The following ANKS1B variants were observed in gnomAD, a reference collection of about 807,000 sequenced individuals.
The protein encoded by ANKS1B is ankyrin repeat and sterile alpha motif domain-containing protein 1B.
In ANKS1B, 36 loss-of-function variants were observed where a neutral mutation model predicts 148.3. The ratio of observed to expected loss-of-function variants is 0.24; its 90% CI spans 0.19 to 0.32. ANKS1B has a LOEUF of 0.32. ANKS1B is among the 10% of genes least tolerant of loss of function. ANKS1B has a pLI of 1.00. For missense variants in ANKS1B, 1,157 were observed against 1,542.6 expected, an observed-to-expected ratio of 0.75 and a Z score of 4.19; for synonymous variants, 542 against 560.8, an observed-to-expected ratio of 0.97 and a Z score of 0.47.
intron 17 of ANKS1B, among the ~76,000 whole-genome samples, chr12:98,984,343 T>C (rs2099922044): frequency 6.6e-6 from 1 of 152,216 alleles, no homozygotes; most frequent in African/African-American, 2.4e-5. Flanking sequence ...TTAGCAGCCA[T>C]TTATGACTTT....
chr12:99,283,486 G>C (rs997652917), intron 12 of ANKS1B, among the ~76,000 whole-genome samples: 1 of 152,204 alleles, frequency 6.6e-6, no homozygotes, highest in East Asian at 1.9e-4. Context: ...GTTTAAAGGA[G>C]AGTGGTCACT....
intron 1 of ANKS1B, among the ~76,000 whole-genome samples, chr12:99,931,403 A>C (rs564662124): frequency 1.3e-5 from 2 of 152,292 alleles, no homozygotes; most frequent in South Asian, 4.1e-4. Flanking sequence ...AAGGGTACAC[A>C]TGCTGATAGT....
chr12:98,831,812 G>A (rs1412409318), intron 18 of ANKS1B: 6 of 556,928 alleles, frequency 1.1e-5, no homozygotes, highest in Middle Eastern at 4.9e-4. Flanking sequence ...GCAGTGGTGC[G>A]ATCTCTGCTC....
intron 17 of ANKS1B, among the ~76,000 whole-genome samples, chr12:98,904,947 G>A (rs1234899064): frequency 6.6e-6 from 1 of 152,068 alleles, no homozygotes; most frequent in Non-Finnish European, 1.5e-5. Context: ...ATTAAGTCCA[G>A]GATGTATGTA....
chr12:99,079,123 T>A (rs2048819953), intron 16 of ANKS1B, among the ~76,000 whole-genome samples: 1 of 152,060 alleles, frequency 6.6e-6, no homozygotes. Context: ...TTGACTTGAG[T>A]CTTGAGACAG....
intron 1 of ANKS1B, among the ~76,000 whole-genome samples, chr12:99,875,267 T>G (rs2091943832): frequency 6.6e-6 from 1 of 152,184 alleles, no homozygotes; most frequent in African/African-American, 2.4e-5. Context: ...AAATGTTGGA[T>G]TTGGCAAAAT....
chr12:98,781,447 T>C (rs1408194879), intron 23 of ANKS1B: 1 of 594,242 alleles, frequency 1.7e-6, no homozygotes, highest in African/African-American at 1.8e-5. Context: ...CTTGAGGATC[T>C]AAAAAGAGTT....
chr12:99,440,938 C>A (rs751650837), intron 11 of ANKS1B, among the ~76,000 whole-genome samples: 15 of 151,950 alleles, frequency 9.9e-5, no homozygotes, highest in Non-Finnish European at 1.5e-4. Flanking sequence ...CAATATCAGT[C>A]TTCCCACAAT....
intron 14 of ANKS1B, among the ~76,000 whole-genome samples, chr12:99,175,167 A>G (rs557093605): frequency 1.3e-5 from 2 of 152,184 alleles, no homozygotes; most frequent in Non-Finnish European, 2.9e-5. Context: ...GTTGCTTTCT[A>G]CTGTGTCCAC....
intron 17 of ANKS1B, among the ~76,000 whole-genome samples, chr12:98,987,901 T>C (rs930089692): frequency 1.3e-5 from 2 of 152,296 alleles, no homozygotes; most frequent in African/African-American, 4.8e-5. Flanking sequence ...AGTCTTTGGA[T>C]TGAGCTATGC....
At chr12:99,909,898 G>A (rs1171962982) in intron 1 of ANKS1B, among the ~76,000 whole-genome samples, 2 of 151,798 alleles carry the variant, frequency 1.3e-5, no homozygotes, top group East Asian at 1.9e-4. Flanking sequence ...TATTTCTCCT[G>A]GAAGATGATT....
At chr12:99,474,963 G>C (rs182006175) in intron 10 of ANKS1B, among the ~76,000 whole-genome samples, 1 of 152,056 alleles carries the variant, frequency 6.6e-6, no homozygotes, top group African/African-American at 2.4e-5. Context: ...CCGGCTGGGT[G>C]GGGTGGCTCA....
At position 99,406,784 on chromosome 12, in the gene ANKS1B, A is replaced by G. The variant is rs1289184352; in HGVS notation, c.1576-6973T>C. On this transcript the variant is annotated intron_variant, in intron 11 of 26. Transcript: ENST00000683438. ...AAACCTTTAGCCAGATTAAGAAAAGAGAGATAAGCCTCAAGTAAATAAAAT... is the reference window on the plus strand; with the variant it reads ...AAACCTTTAGCCAGATTAAGAAAAGGGAGATAAGCCTCAAGTAAATAAAAT... 2.1e-5 allele frequency among the ~76,000 whole-genome samples: 3 copies of G among 145,966 alleles called. 1 individual carries two copies. The highest frequency in any genetic ancestry group is 2.0e-4 in the Admixed American group (3 of 14,708).
chr12:98,895,201 C>G, intron 17 of ANKS1B: 1 of 985,394 alleles, frequency 1.0e-6, no homozygotes, highest in Non-Finnish European at 1.2e-6. Flanking sequence ...TGCAGGGCGC[C>G]TAGCACTGGG....
At chr12:99,644,651 T>A (rs188083154) in intron 9 of ANKS1B, among the ~76,000 whole-genome samples, 1 of 152,318 alleles carries the variant, frequency 6.6e-6, no homozygotes, top group Non-Finnish European at 1.5e-5. Flanking sequence ...AGCACTCCAC[T>A]TCCAGGTACC....
chr12:99,175,701 C>A (rs371149294), intron 14 of ANKS1B, among the ~76,000 whole-genome samples: 4 of 152,206 alleles, frequency 2.6e-5, no homozygotes, highest in Admixed American at 1.3e-4. Context: ...TTAGCTAATC[C>A]GCATAGTACC....
intron 9 of ANKS1B, among the ~76,000 whole-genome samples, chr12:99,630,194 T>C (rs923062328): frequency 7.9e-5 from 12 of 152,076 alleles, no homozygotes; most frequent in East Asian, 1.9e-4. Flanking sequence ...AATTTGTTCC[T>C]AATGGTAGCC....
Position 98,888,624 on chromosome 12 carries a change from T to C in ANKS1B, c.2779-56488A>G, listed in dbSNP as rs543956507. Among the ~76,000 whole-genome samples the C allele has an allele frequency of 2.0e-5, 3 of 152,334 alleles. No individual in the cohort carries two copies. In the South Asian group the frequency reaches 6.2e-4, roughly 32 times the overall value. On this transcript the variant is annotated intron_variant, in intron 17 of 26. Transcript: ENST00000683438. ...CTCTCTGTCCCCCACACACTGCACT[T>C]GTTCCCCCTGACAGATATTCCATGA...
At chr12:99,912,096 G>A (rs578134744) in intron 1 of ANKS1B, among the ~76,000 whole-genome samples, 4 of 152,318 alleles carry the variant, frequency 2.6e-5, no homozygotes, top group East Asian at 1.9e-4. Context: ...CACCAAAGGC[G>A]TGCAAGGGAA....
Sources: gnomAD v4.1 joint callset for allele counts (sites outside exome capture counted in the v4.1 genomes callset) on GRCh38, gnomAD v4.1.1 for gene constraint, MANE v1.5 for transcripts, NCBI Gene and HGNC (gene_info 2026-07-23, HGNC 2026-07-21) for gene names.